Variants in CPA4 observed in about 807,000 individuals in gnomAD.
CPA4 encodes carboxypeptidase A4, also known as carboxypeptidase A3.
In CPA4, 49 loss-of-function variants were observed where a neutral mutation model predicts 54.7. The ratio of observed to expected loss-of-function variants is 0.90; its 90% CI spans 0.71 to 1.14. The LOEUF is 1.14. CPA4 is among the 50% of genes most tolerant of loss of function. The pLI is 0.00. For synonymous variants in CPA4, 215 were observed against 206.8 expected (o/e 1.04, Z -0.34); for missense variants, 487 against 525.1 (o/e 0.93, Z 0.71).
At chr7:130,313,905 T>C (rs936179914) in intron 10 of CPA4, among the ~76,000 whole-genome samples, 5 of 152,202 alleles carry the variant, frequency 3.3e-5, no homozygotes, top group African/African-American at 1.2e-4. Context: ...TGTTTTTTCT[T>C]TCTTGTGGTT....
At chr7:130,304,304 A>T (rs1793784058) in intron 4 of CPA4, among the ~76,000 whole-genome samples, 174 bp from the exon 5 acceptor site, 1 of 152,244 alleles carries the variant, frequency 6.6e-6, no homozygotes, top group Non-Finnish European at 1.5e-5. Flanking sequence ...AAAATTGTAG[A>T]AAAGGACTAT....
intron 10 of CPA4, among the ~76,000 whole-genome samples, chr7:130,315,218 G>A (rs1338799647): frequency 6.6e-6 from 1 of 152,042 alleles, no homozygotes; most frequent in Non-Finnish European, 1.5e-5. Flanking sequence ...AAATAAAATG[G>A]CAGATGGTAT....
intron 3 of CPA4, 132 bp downstream of exon 3, chr7:130,299,536 G>A: frequency 1.3e-6 from 1 of 783,950 alleles, no homozygotes. Flanking sequence ...GAGGCAAATG[G>A]AAGTAAAGTG....
chr7:130,305,333 A>C (rs1005899968), intron 5 of CPA4, among the ~76,000 whole-genome samples: 1 of 152,200 alleles, frequency 6.6e-6, no homozygotes, highest in Non-Finnish European at 1.5e-5. Context: ...GCTCTGACCC[A>C]AGGGGGCCCA....
chr7:130,303,268 G>A (rs1415389721), intron 4 of CPA4, among the ~76,000 whole-genome samples: 1 of 151,950 alleles, frequency 6.6e-6, no homozygotes, highest in Non-Finnish European at 1.5e-5. Flanking sequence ...CTTTTTTCCT[G>A]AAAGCAAATA....
chr7:130,301,022 T>G (rs934428362), intron 4 of CPA4, 108 bp downstream of exon 4: 1 of 723,088 alleles, frequency 1.4e-6, no homozygotes, highest in African/African-American at 1.8e-5. Context: ...ATCCCCTCAC[T>G]GAGGGGCTAA....
intron 2 of CPA4, 92 bp downstream of exon 2, chr7:130,298,919 G>T (rs1224871273): frequency 1.3e-5 from 10 of 793,468 alleles, no homozygotes; most frequent in Middle Eastern, 2.3e-4. Context: ...TATTTCTGAG[G>T]AGTCTCTGAA....
In CPA4 at chr7:130,317,051, G is replaced by A. The variant is rs540046009; in HGVS notation, c.1078+4929G>A. Among the ~76,000 whole-genome samples, 4 of 152,232 alleles carry A rather than the reference G, an allele frequency of 2.6e-5. No individual in the cohort carries two copies. The East Asian group carries it at 7.7e-4, about 29-fold the overall frequency. ...TGGAAAGGATGAGATGGAGGTGAGC[G>A]CCTTATGGCTGAGCATATCTTGTAG... On this transcript the variant is annotated intron_variant, in intron 10 of 10. Coordinates refer to ENST00000222482, the MANE Select transcript of CPA4 (RefSeq NM_016352.4).
intron 10 of CPA4, among the ~76,000 whole-genome samples, chr7:130,318,630 T>G (rs1794028475): frequency 6.6e-6 from 1 of 152,098 alleles, no homozygotes; most frequent in African/African-American, 2.4e-5. Flanking sequence ...AGTCTGGTCT[T>G]GAGCTCCCGA....
chr7:130,316,703 C>T (rs559577867), intron 10 of CPA4, among the ~76,000 whole-genome samples: 15 of 152,022 alleles, frequency 9.9e-5, no homozygotes, highest in African/African-American at 2.7e-4. Flanking sequence ...TTTGGGAGGC[C>T]GAGGCGGGTG....
Position 130,310,641 on chromosome 7 carries a change from AC to A in CPA4, c.794-145del. ...CTCTTCCATGCCTTCTCTGCAGTCCACACCCACCATGGACTAGGTGCTCTGG... is the reference window on the plus strand; with the variant it reads ...CTCTTCCATGCCTTCTCTGCAGTCCAACCCACCATGGACTAGGTGCTCTGG... On this transcript the variant is annotated intron_variant, in intron 8 of 10. Coordinates refer to ENST00000222482, the MANE Select transcript of CPA4 (RefSeq NM_016352.4). This position sits in a 1 kb window ranked among gnomAD's most constrained non-coding sequence, Gnocchi z 4.3. The A allele has an allele frequency of 1.5e-6, 1 of 686,260 alleles. No individual in the cohort carries two copies. The highest frequency in any genetic ancestry group is 2.7e-5 in the East Asian group (1 of 36,812). 42.5% of individuals were successfully genotyped at this position (686,260 alleles called of 1,614,324 possible). A position where few individuals can be genotyped will look rare whatever the true frequency, so the allele number is the denominator to read the frequency against.
intron 8 of CPA4, 143 bp downstream of exon 8, chr7:130,308,540 G>A (rs1470830766): frequency 3.0e-6 from 2 of 671,070 alleles, no homozygotes; most frequent in Non-Finnish European, 5.4e-6. Context: ...CACTCCTTAG[G>A]CTCTGACTTA....
At chr7:130,300,222 G>T (rs1333463048) in intron 3 of CPA4, among the ~76,000 whole-genome samples, 1 of 152,172 alleles carries the variant, frequency 6.6e-6, no homozygotes. Flanking sequence ...ACCAGATGCG[G>T]GCTGATGTCT....
chr7:130,299,234 G>A (rs768971079), intron 2 of CPA4, 36 bp from the exon 3 acceptor site: 5 of 1,606,204 alleles, frequency 3.1e-6, no homozygotes, highest in South Asian at 1.1e-5. Context: ...TTACCTGAAC[G>A]GTCCTTTAAC....
chr7:130,310,863 A>G lies in CPA4; in HGVS notation c.870A>G (p.Ser290=). 2 of 1,613,878 alleles carry G rather than the reference A, an allele frequency of 1.2e-6. No homozygotes were observed. The highest frequency in any genetic ancestry group is 1.1e-5 in the South Asian group (1 of 91,080). The change falls in exon 9 of 11, where the codon TCA becomes TCG. Residue 290 remains serine, a synonymous_variant. Coordinates refer to ENST00000222482, the MANE Select transcript of CPA4 (RefSeq NM_016352.4). The surrounding 1 kb of genome is among the most constrained non-coding windows in gnomAD (Gnocchi z 4.3). ...CCAATTCGGAAGTGGAGGTGAAATC[A>G]GTGGTAGATTTCATCCAAAAACATG... is the stretch of plus-strand genomic sequence containing the variant. ...PHANSEVEVK[S]VVDFIQKHGN... is the part of the protein sequence containing the mutation.
Position 130,322,723 on chromosome 7 carries a change from G to T in CPA4, c.*47G>T, listed in dbSNP as rs768792396. On this transcript the variant is annotated 3_prime_UTR_variant, in exon 11 of 11. Transcript: ENST00000222482. ...CATTTATTTGTACCCACACGTGCAC[G>T]CACTGAGGCCATTGTTAAAGGAGCT... 1.2e-5 allele frequency: 18 copies of T among 1,548,752 alleles called. No individual in the cohort carries two copies. Among genetic ancestry groups the T allele is most frequent in the African/African-American group, 5.5e-5 (4 of 73,170 alleles).
rs1357780224 is a variant in CPA4 at position 130,310,070 on chromosome 7, A to T, written c.794-717A>T. Among the ~76,000 whole-genome samples, 1 of 152,120 alleles carries T rather than the reference A, an allele frequency of 6.6e-6. No homozygotes were observed. The highest frequency in any genetic ancestry group is 1.5e-5 in the Non-Finnish European group (1 of 68,026). On this transcript the variant is annotated intron_variant, in intron 8 of 10. Coordinates refer to ENST00000222482, the MANE Select transcript of CPA4 (RefSeq NM_016352.4). The surrounding 1 kb of genome is among the most constrained non-coding windows in gnomAD (Gnocchi z 4.3). ...ACATGAGGCACTGTGCCCGGCCCCG[A>T]TGGTTTGTTTTTAATGTGCTTCTTT...
At position 130,310,617 on chromosome 7, in the gene CPA4, T is replaced by A. The variant is rs2117151925; in HGVS notation, c.794-170T>A. On this transcript the variant is annotated intron_variant, in intron 8 of 10. Coordinates refer to ENST00000222482, the MANE Select transcript of CPA4 (RefSeq NM_016352.4). This position sits in a 1 kb window ranked among gnomAD's most constrained non-coding sequence, Gnocchi z 4.3. ...AGCAGACCCAACACCCAACCCTCCC[T>A]CTTCCATGCCTTCTCTGCAGTCCAC... Among the ~76,000 whole-genome samples, 1 of 152,304 alleles carries A rather than the reference T, an allele frequency of 6.6e-6. No individual in the cohort carries two copies. The highest frequency in any genetic ancestry group is 2.1e-4 in the South Asian group (1 of 4,826).
intron 5 of CPA4, among the ~76,000 whole-genome samples, chr7:130,304,968 G>A (rs1337038952): frequency 6.6e-6 from 1 of 152,200 alleles, no homozygotes; most frequent in Non-Finnish European, 1.5e-5. Context: ...AAGTGAATTT[G>A]AGGGTTGGTG....
Sources: allele counts gnomAD v4.1 joint callset (sites outside exome capture counted in the v4.1 genomes callset), GRCh38; gene constraint gnomAD v4.1.1; non-coding constraint Gnocchi (gnomAD v3.1); transcripts MANE v1.5; gene names NCBI Gene and HGNC (gene_info 2026-07-23, HGNC 2026-07-21).